The following PCLO variants were observed in gnomAD, a reference collection of about 807,000 sequenced individuals.
The protein encoded by PCLO is piccolo presynaptic cytomatrix protein, also known as protein piccolo.
Under a neutral mutation model 427.5 loss-of-function variants are expected in PCLO, and 82 were observed. The ratio of observed to expected loss-of-function variants is 0.19; its 90% CI spans 0.16 to 0.23. The LOEUF is 0.23. Ranked by LOEUF, PCLO falls within the 10% of genes least tolerant of loss-of-function variation. The probability of loss-of-function intolerance (pLI) is 1.00; values close to 1 mark genes in which losing one functional copy is unlikely to be tolerated. For missense variants in PCLO, 6,239 were observed against 6,115.9 expected (o/e 1.02, Z -0.67); for synonymous variants, 2,357 against 2,155.4 (o/e 1.09, Z -2.59).
intron 3 of PCLO, among the ~76,000 whole-genome samples, chr7:83,008,650 G>C (rs763406058): frequency 1.3e-5 from 2 of 151,640 alleles, no homozygotes; most frequent in African/African-American, 4.8e-5. Context: ...GTAGCCAAGA[G>C]AGGGAGAAAG....
chr7:82,834,339 G>A (rs1792172118), intron 16 of PCLO, among the ~76,000 whole-genome samples: 1 of 152,240 alleles, frequency 6.6e-6, no homozygotes, highest in East Asian at 1.9e-4. Context: ...TGTGATGAGA[G>A]AACCAGCCAT....
chr7:82,974,701 G>A (rs763835654), intron 3 of PCLO, among the ~76,000 whole-genome samples: 13 of 152,046 alleles, frequency 8.6e-5, no homozygotes. Context: ...TGTTTTATGT[G>A]CGTCAAGTTA....
intron 6 of PCLO, among the ~76,000 whole-genome samples, chr7:82,921,115 A>G (rs1220512120): frequency 6.6e-6 from 1 of 151,848 alleles, no homozygotes; most frequent in Non-Finnish European, 1.5e-5. Flanking sequence ...ATTTTTGGGA[A>G]ATTATTGTTT....
intron 3 of PCLO, among the ~76,000 whole-genome samples, chr7:82,979,165 A>G (rs1796091912): frequency 1.3e-5 from 2 of 152,150 alleles, no homozygotes; most frequent in African/African-American, 4.8e-5. Context: ...TATAGACTTC[A>G]GAATCCTAAG....
Position 82,916,166 on chromosome 7 carries a change from A to G in PCLO, c.11820T>C (p.Val3940=). 6.2e-7 allele frequency: 1 copy of G among 1,613,586 alleles called. No homozygotes were observed. Among genetic ancestry groups the G allele is most frequent in the Non-Finnish European group, 8.5e-7 (1 of 1,179,708 alleles). ...AVATMSFTPQ[V]QPTPTPQPSY... is the part of the protein sequence containing the mutation. Reference sequence around the variant, plus strand: ...AAGGCTGTGGGGTTGGTGTAGGTTGAACTTGAGGTGTGAAGGACATTGTTG... The same window carrying G: ...AAGGCTGTGGGGTTGGTGTAGGTTGGACTTGAGGTGTGAAGGACATTGTTG... Residue 3940 remains valine (V), a synonymous_variant, in exon 7 of 25, where the codon GTT becomes GTC. Coordinates refer to ENST00000333891, the MANE Select transcript of PCLO (RefSeq NM_033026.6).
At chr7:83,133,452 C>A in intron 3 of PCLO, among the ~76,000 whole-genome samples, 1 of 151,986 alleles carries the variant, frequency 6.6e-6, no homozygotes, top group Non-Finnish European at 1.5e-5. Flanking sequence ...CCCTAACATG[C>A]TATTAATGTT....
At chr7:82,943,264 G>T (rs1220593235) in intron 6 of PCLO, among the ~76,000 whole-genome samples, 1 of 152,078 alleles carries the variant, frequency 6.6e-6, no homozygotes, top group Admixed American at 6.5e-5. Context: ...TAAGAAGTTT[G>T]CCTATTACTA....
At chr7:82,843,140 T>C (rs1405546226) in intron 13 of PCLO, among the ~76,000 whole-genome samples, 1 of 152,096 alleles carries the variant, frequency 6.6e-6, no homozygotes. Context: ...AGCCCAGATA[T>C]AGTACCAACC....
At chr7:82,926,270 C>T (rs1794710436) in intron 6 of PCLO, among the ~76,000 whole-genome samples, 1 of 152,106 alleles carries the variant, frequency 6.6e-6, no homozygotes, top group South Asian at 2.1e-4. Context: ...AGTATCATCA[C>T]TATGGGTCTA....
intron 6 of PCLO, among the ~76,000 whole-genome samples, chr7:82,937,629 G>A (rs1794987129): frequency 6.6e-6 from 1 of 151,216 alleles, no homozygotes; most frequent in South Asian, 2.1e-4. Context: ...CTCAATGCTA[G>A]GTAAATATGA....
chr7:82,895,940 C>T (rs968892429), intron 9 of PCLO, among the ~76,000 whole-genome samples: 10 of 151,868 alleles, frequency 6.6e-5, no homozygotes, highest in African/African-American at 1.9e-4. Context: ...GCCAGGAACA[C>T]TTCCCAACAC....
chr7:83,105,008 T>C (rs569296481), intron 3 of PCLO, among the ~76,000 whole-genome samples: 2 of 152,158 alleles, frequency 1.3e-5, no homozygotes, highest in African/African-American at 4.8e-5. Flanking sequence ...ATTCCTACTA[T>C]AGCACAAATC....
chr7:82,810,297 C>A (rs1051045567), intron 20 of PCLO, among the ~76,000 whole-genome samples: 1 of 151,606 alleles, frequency 6.6e-6, no homozygotes, highest in Non-Finnish European at 1.5e-5. Context: ...CAAGGACCTA[C>A]TATGTGTGAA....
intron 3 of PCLO, among the ~76,000 whole-genome samples, chr7:83,091,751 G>T (rs57701519): frequency 0.44 from 66,904 of 151,966 alleles, 15,133 homozygotes; most frequent in East Asian, 0.7. Context: ...TTAAATCATG[G>T]AAGAAATAAG....
intron 3 of PCLO, among the ~76,000 whole-genome samples, chr7:83,036,213 A>AC (rs1788790075): frequency 6.6e-6 from 1 of 152,088 alleles, no homozygotes; most frequent in Admixed American, 6.6e-5. Context: ...CTCAAACTTG[A>AC]CTGTGCATCA....
At chr7:83,011,910 A>G (rs1767093755) in intron 3 of PCLO, among the ~76,000 whole-genome samples, 1 of 152,070 alleles carries the variant, frequency 6.6e-6, no homozygotes, top group South Asian at 2.1e-4. Context: ...TGAATGACAG[A>G]CTCTGCTAGG....
chr7:83,148,722 T>A (rs1047606969), intron 2 of PCLO, among the ~76,000 whole-genome samples: 1 of 151,964 alleles, frequency 6.6e-6, no homozygotes, highest in African/African-American at 2.4e-5. Flanking sequence ...CTTTTTCCTA[T>A]GAGGTTGATT....
intron 6 of PCLO, among the ~76,000 whole-genome samples, chr7:82,936,312 T>C (rs772784855): frequency 1.5e-4 from 23 of 151,498 alleles, no homozygotes; most frequent in Non-Finnish European, 2.4e-4. Flanking sequence ...TTCTCAAATA[T>C]GCAAAAATTA....
intron 3 of PCLO, among the ~76,000 whole-genome samples, chr7:83,037,419 T>A (rs1192615417): frequency 6.6e-6 from 1 of 152,024 alleles, no homozygotes; most frequent in East Asian, 1.9e-4. Context: ...ATATTTAGAA[T>A]AATAGTTGGT....
Sources: allele counts gnomAD v4.1 joint callset (sites outside exome capture counted in the v4.1 genomes callset), GRCh38; gene constraint gnomAD v4.1.1; transcripts MANE v1.5; gene names NCBI Gene and HGNC (gene_info 2026-07-23, HGNC 2026-07-21).